The following AKR7A3 variants were observed in gnomAD, a reference collection of about 807,000 sequenced individuals.
AKR7A3 encodes AFB1 aldehyde reductase 2.
AKR7A3 carries 37 observed loss-of-function variants against 32.5 expected under a neutral mutation model. That is an observed-to-expected ratio of 1.14 (90% CI 0.88 to 1.50). AKR7A3 has a LOEUF of 1.50. AKR7A3 is among the 40% of genes most tolerant of loss of function. The pLI is 0.00. For synonymous variants in AKR7A3, 177 were observed against 188.4 expected, an observed-to-expected ratio of 0.94 and a Z score of 0.50; for missense variants, 412 against 453.2, an observed-to-expected ratio of 0.91 and a Z score of 0.83.
Position 19,284,675 on chromosome 1 carries a change from C to G in AKR7A3, c.704+11G>C. The G allele has an allele frequency of 6.2e-7, 1 of 1,613,674 alleles. No individual in the cohort carries two copies. The highest frequency in any genetic ancestry group is 8.5e-7 in the Non-Finnish European group (1 of 1,179,866). On this transcript the variant is annotated intron_variant, in intron 5 of 6. Transcript: ENST00000361640. ...CACCCCAGCCATCCACACCAAGCAC[C>G]CACAGCTTACCGATTCCTGTACATC... is the stretch of plus-strand genomic sequence containing the variant.
In AKR7A3 at chr1:19,285,055, G is replaced by A. The variant is rs1418545283; in HGVS notation, c.567C>T (p.His189=). ...VETELFPCLR[H]FGLRFYAFNP... Reference sequence around the variant, plus strand: ...TGAAGGCATAGAACCTCAGTCCAAAGTGCCTGAGGCAGGGGAAGAGCTCCG... The same window carrying A: ...TGAAGGCATAGAACCTCAGTCCAAAATGCCTGAGGCAGGGGAAGAGCTCCG... Residue 189 remains histidine (H), a synonymous_variant, in exon 4 of 7, where the codon CAC becomes CAT. Transcript: ENST00000361640. The A allele has an allele frequency of 1.2e-6, 2 of 1,613,326 alleles. No individual in the cohort carries two copies. The highest frequency in any genetic ancestry group is 1.7e-6 in the Non-Finnish European group (2 of 1,179,848).
At position 19,286,248 on chromosome 1, in the gene AKR7A3, A is replaced by G. The variant is rs1258230860; in HGVS notation, c.339T>C (p.His113=). 1 of 1,613,648 alleles carries G rather than the reference A, an allele frequency of 6.2e-7. No homozygotes were observed. Among genetic ancestry groups the G allele is most frequent in the Admixed American group, 1.7e-5 (1 of 60,022 alleles). The change falls in exon 2 of 7, where the codon CAT becomes CAC. Residue 113 remains histidine, a synonymous_variant. Coordinates refer to ENST00000361640, the MANE Select transcript of AKR7A3 (RefSeq NM_012067.3). ...CCACCGGGGTGCTGTGGTCTGGCAT[A>G]TGCAGGTAGAAGAGGTCCACTCGGG... ...QCPRVDLFYL[H]MPDHSTPVEE...
rs2093730010 is a variant in AKR7A3, at chr1:19,286,367, T to C, written c.220A>G (p.Ile74Val). Residue 74 changes from isoleucine to valine, a missense_variant, in exon 2 of 7, where the codon ATT (isoleucine) becomes GTT (valine). Transcript: ENST00000361640. ...RLGGSDCRVKIDTKAIPLFGN... is the reference protein window; with the variant it reads ...RLGGSDCRVKVDTKAIPLFGN... ...AACAGTGGAATGGCCTTGGTATCAA[T>C]TTTCACTGAGAGGAAAGAGAAATGA... is the stretch of plus-strand genomic sequence containing the variant. 3 of 1,613,378 alleles carry C rather than the reference T, an allele frequency of 1.9e-6. No homozygotes were observed. The highest frequency in any genetic ancestry group is 2.5e-6 in the Non-Finnish European group (3 of 1,179,752).
At position 19,284,191 on chromosome 1, in the gene AKR7A3, C is replaced by T; in HGVS notation, c.705-66G>A. 5 of 1,555,860 alleles carry T rather than the reference C, an allele frequency of 3.2e-6. No homozygotes were observed. The South Asian group carries it at 6.2e-5, about 19-fold the overall frequency. ...TGGGAGCCACAACCAAAGAGCCAAC[C>T]AGGGCCACTGTCCCACCCCACACCC... is the stretch of plus-strand genomic sequence containing the variant. On this transcript the variant is annotated intron_variant, in intron 5 of 6. Transcript: ENST00000361640.
rs1399754488 is a variant in AKR7A3 at position 19,288,388 on chromosome 1, G to T, written c.214+108C>A. The T allele has an allele frequency of 3.7e-6, 5 of 1,369,572 alleles. No individual in the cohort carries two copies. In the South Asian group the frequency reaches 5.7e-5, roughly 16 times the overall value. The allele number at this position is 1,369,572 out of a possible 1,614,324, so 84.8% of individuals were successfully genotyped here. ...GAACAGGGGTGGGGGCGGTGGGGGG[G>T]ACAAAACTTTGGGTGCTGCCCCGGG... On this transcript the variant is annotated intron_variant, in intron 1 of 6. Coordinates refer to ENST00000361640, the MANE Select transcript of AKR7A3 (RefSeq NM_012067.3).
rs761413936 is a variant in AKR7A3, at chr1:19,284,010, G to T, written c.820C>A (p.His274Asn). Residue 274 changes from histidine (H) to asparagine (N), a missense_variant, in exon 6 of 7, where the codon CAC becomes AAC. Physicochemically the swap from His to Asn is moderately conservative, Grantham distance 68 (BLOSUM62 1). Coordinates refer to ENST00000361640, the MANE Select transcript of AKR7A3 (RefSeq NM_012067.3). Reference sequence around the variant, plus strand: ...TCACTGGTTACCTGCAGCTGTGAGTGGTGGTACATCCACCGGAGGGTGGCC... The same window carrying T: ...TCACTGGTTACCTGCAGCTGTGAGTTGTGGTACATCCACCGGAGGGTGGCC... ...TSATLRWMYH[H>N]SQLQGAHGDA... 7 of 1,613,364 alleles carry T rather than the reference G, an allele frequency of 4.3e-6. No homozygotes were observed. In the East Asian group the frequency reaches 1.6e-4, roughly 36 times the overall value.
rs976940151 is a variant in AKR7A3, at chr1:19,285,883, C to G, written c.507+5G>C. 1.1e-5 allele frequency: 17 copies of G among 1,613,520 alleles called. No homozygotes were observed. Among genetic ancestry groups the G allele is most frequent in the African/African-American group, 2.7e-5 (2 of 74,630 alleles). On this transcript the variant is annotated splice_donor_5th_base_variant and intron_variant, in intron 3 of 6. Coordinates refer to ENST00000361640, the MANE Select transcript of AKR7A3 (RefSeq NM_012067.3). ...GACCTTGGCCTCTGCAGCCCTGGCT[C>G]TCACCTGGTACACAGTGGGCAGGAT... is the stretch of plus-strand genomic sequence containing the variant.
At chr1:19,278,580 A>T (rs976531415), downstream of AKR7A3, among the ~76,000 whole-genome samples, 1 of 151,288 alleles carries the variant, frequency 6.6e-6, no homozygotes, top group Non-Finnish European at 1.5e-5. Context: ...AAAAACAACA[A>T]AAACAAAAAC....
intron 1 of AKR7A3, among the ~76,000 whole-genome samples, chr1:19,288,127 G>C (rs1459164426): frequency 6.6e-6 from 1 of 152,196 alleles, no homozygotes; most frequent in Non-Finnish European, 1.5e-5. Context: ...GCCCGTCAAG[G>C]GCACCTGGAG....
At chr1:19,278,208 G>A (rs918884062), downstream of AKR7A3, among the ~76,000 whole-genome samples, 1 of 151,794 alleles carries the variant, frequency 6.6e-6, no homozygotes, top group Non-Finnish European at 1.5e-5. Flanking sequence ...GCCTCCCAAA[G>A]TTCTGGCATT....
chr1:19,282,388 T>C (rs575353644), downstream of AKR7A3, among the ~76,000 whole-genome samples: 5 of 151,936 alleles, frequency 3.3e-5, no homozygotes, highest in Non-Finnish European at 7.4e-5. Context: ...TGTGACACGC[T>C]GGCGCCGCTT....
In AKR7A3 at chr1:19,284,057, G is replaced by T; in HGVS notation, c.773C>A (p.Ala258Asp). The change falls in exon 6 of 7, where the codon GCC (alanine) becomes GAC (aspartate). Residue 258 changes from alanine to aspartate, a missense_variant. Coordinates refer to ENST00000361640, the MANE Select transcript of AKR7A3 (RefSeq NM_012067.3). ...GGCCGAGGTCATGCTGGGGGCGCTG[G>T]CGCCATACGCGGCCTGCAGGGCCTT... ...VEKALQAAYG[A>D]SAPSMTSATL... 6.2e-7 allele frequency: 1 copy of T among 1,613,738 alleles called. No individual in the cohort carries two copies.
At chr1:19,277,395 T>G in the AKR7A3 span, among the ~76,000 whole-genome samples, 3 of 151,960 alleles carry the variant, frequency 2.0e-5, no homozygotes, top group South Asian at 6.2e-4. Flanking sequence ...TAATTTGAAC[T>G]GAATTAAAGT....
In AKR7A3 at chr1:19,286,257, G is replaced by A. The variant is rs2093729631; in HGVS notation, c.330C>T (p.Phe110=). The A allele has an allele frequency of 6.2e-7, 1 of 1,613,676 alleles. No individual in the cohort carries two copies. The highest frequency in any genetic ancestry group is 1.3e-5 in the African/African-American group (1 of 74,680). Residue 110 remains phenylalanine (F), a synonymous_variant, in exon 2 of 7, where the codon TTC becomes TTT. Coordinates refer to ENST00000361640, the MANE Select transcript of AKR7A3 (RefSeq NM_012067.3). ...TGCTGTGGTCTGGCATATGCAGGTAGAAGAGGTCCACTCGGGGACACTGCA... is the reference window on the plus strand; with the variant it reads ...TGCTGTGGTCTGGCATATGCAGGTAAAAGAGGTCCACTCGGGGACACTGCA... The part of the protein sequence containing the change: ...KRLQCPRVDL[F]YLHMPDHSTP...
chr1:19,283,858 A>C lies in AKR7A3; in HGVS notation c.834+138T>G, dbSNP rs1456157118. 2.1e-6 allele frequency: 3 copies of C among 1,400,614 alleles called. No homozygotes were observed. The South Asian group carries it at 4.4e-5, about 20-fold the overall frequency. The allele number at this position is 1,400,614 out of a possible 1,614,324, so 86.8% of individuals were successfully genotyped here. On this transcript the variant is annotated intron_variant, in intron 6 of 6. Transcript: ENST00000361640. ...CAAAAAAAAAACATAGAAAAAGACC[A>C]GTGGGAAGAATGTTTGTGAGAGTTG...
At position 19,285,825 on chromosome 1, in the gene AKR7A3, C is replaced by A. The variant is rs2093728587; in HGVS notation, c.507+63G>T. The A allele has an allele frequency of 5.6e-6, 9 of 1,605,276 alleles. No homozygotes were observed. The Admixed American group carries it at 1.5e-4, about 27-fold the overall frequency. On this transcript the variant is annotated intron_variant, in intron 3 of 6. Transcript: ENST00000361640. ...AGGGCACAGGGGGCAGTCAGAGGGG[C>A]AAAGACAGCCCAGGATGAGCAGGAG...
At chr1:19,284,488 G>A (rs980045649) in intron 5 of AKR7A3, among the ~76,000 whole-genome samples, 198 bp downstream of exon 5, 21 of 151,910 alleles carry the variant, frequency 1.4e-4, no homozygotes, top group South Asian at 4.1e-4. Flanking sequence ...TCAAGACCCC[G>A]AGGTCCAGGG....
In AKR7A3 at chr1:19,284,746, T is replaced by C. The variant is rs1387057808; in HGVS notation, c.644A>G (p.Asn215Ser). 6.2e-7 allele frequency: 1 copy of C among 1,613,738 alleles called. No homozygotes were observed. Residue 215 changes from asparagine to serine, a missense_variant, in exon 5 of 7, where the codon AAT (asparagine) becomes AGT (serine). Physicochemically the swap from Asn to Ser is conservative, Grantham distance 46. Transcript: ENST00000361640. ...LTGKYKYEDK[N>S]GKQPVGRFFG... Reference sequence around the variant, plus strand: ...GAAGCGGCCCACGGGCTGTTTCCCATTCTTGTCCTCATACTTGTACTTGCC... The same window carrying C: ...GAAGCGGCCCACGGGCTGTTTCCCACTCTTGTCCTCATACTTGTACTTGCC...
chr1:19,288,416 C>T (rs1290183450), intron 1 of AKR7A3, 80 bp downstream of exon 1: 5 of 1,506,806 alleles, frequency 3.3e-6, no homozygotes, highest in Non-Finnish European at 4.5e-6. Context: ...GCCCCGGGGC[C>T]AGGGAGAGCG....
Sources: allele counts gnomAD v4.1 joint callset (sites outside exome capture counted in the v4.1 genomes callset), GRCh38; gene constraint gnomAD v4.1.1; transcripts MANE v1.5; gene names NCBI Gene and HGNC (gene_info 2026-07-23, HGNC 2026-07-21).